ERICH1: variants seen among roughly 807,000 people sequenced by gnomAD.
The protein encoded by ERICH1 is glutamate rich 1, also known as glutamate-rich protein 1.
Under a neutral mutation model 39.6 loss-of-function variants are expected in ERICH1, and 56 were observed. The observed-to-expected ratio is 1.41, with a 90% CI of 1.14 to 1.77. The LOEUF is 1.77. Ranked by LOEUF, ERICH1 falls within the 40% of genes most tolerant of loss-of-function variation. ERICH1 has a pLI of 0.00. For synonymous variants in ERICH1, 313 were observed against 223.6 expected (o/e 1.40, Z -3.57); for missense variants, 826 against 575.4 (o/e 1.44, Z -4.45).
chr8:660,301 CA>C (rs1801228629), downstream of ERICH1, among the ~76,000 whole-genome samples: 1 of 152,272 alleles, frequency 6.6e-6, no homozygotes, highest in Non-Finnish European at 1.5e-5. Flanking sequence ...TGACTTTTAA[CA>C]ACAGGCAGAT....
At chr8:654,223 A>G (rs1449296492) in intron 3 of ERICH1, among the ~76,000 whole-genome samples, 3 of 152,246 alleles carry the variant, frequency 2.0e-5, no homozygotes, top group Non-Finnish European at 4.4e-5. Context: ...AAAATACGCC[A>G]AAGGCTTTAA....
At chr8:618,704 C>T (rs2117015066) in intron 3 of ERICH1, among the ~76,000 whole-genome samples, 1 of 152,316 alleles carries the variant, frequency 6.6e-6, no homozygotes. Context: ...CTTGGAACAG[C>T]ACGCAATGGA....
At chr8:692,412 C>T (rs1030076008) in intron 3 of ERICH1, 66 bp downstream of exon 3, 11 of 1,609,342 alleles carry the variant, frequency 6.8e-6, no homozygotes, top group Non-Finnish European at 9.3e-6. Context: ...ATTACAATAC[C>T]AGAAAATTGG....
At chr8:722,443 C>A (rs1041584850) in intron 1 of ERICH1, among the ~76,000 whole-genome samples, 1 of 152,210 alleles carries the variant, frequency 6.6e-6, no homozygotes, top group Non-Finnish European at 1.5e-5. Context: ...CCTACACTTG[C>A]TATTTCAAAT....
At chr8:696,140 A>C (rs1207293787) in intron 2 of ERICH1, among the ~76,000 whole-genome samples, 1 of 3,632 alleles carries the variant, frequency 2.8e-4, no homozygotes, top group African/African-American at 1.5e-3. Context: ...CTCACCCTCC[A>C]CTCCTCTCCT....
At chr8:711,619 T>G (rs1669618) in intron 2 of ERICH1, among the ~76,000 whole-genome samples, 71,037 of 151,698 alleles carry the variant, frequency 0.47, 17,648 homozygotes, top group East Asian at 0.88. Context: ...TGCCTCAGCC[T>G]ACCGAGTGGC....
intron 3 of ERICH1, chr8:615,427 G>A: frequency 2.0e-6 from 1 of 511,852 alleles, no homozygotes. Flanking sequence ...GTCATAAACA[G>A]AACAATGATC....
intron 3 of ERICH1, among the ~76,000 whole-genome samples, chr8:642,560 G>T (rs1278063603): frequency 1.3e-5 from 2 of 151,804 alleles, no homozygotes; most frequent in East Asian, 3.9e-4. Flanking sequence ...TAGCCAGGAT[G>T]GTCTCGATCT....
chr8:622,151 G>C (rs1240965794), intron 3 of ERICH1, among the ~76,000 whole-genome samples: 1 of 152,210 alleles, frequency 6.6e-6, no homozygotes, highest in Admixed American at 6.5e-5. Context: ...GATCCCAGGA[G>C]TTTGAGATTA....
intron 3 of ERICH1, among the ~76,000 whole-genome samples, chr8:639,948 A>G (rs2117206154): frequency 1.3e-5 from 2 of 152,352 alleles, no homozygotes; most frequent in South Asian, 4.1e-4. Context: ...GTTTCCAGGT[A>G]AGATTCTCAA....
intron 3 of ERICH1, among the ~76,000 whole-genome samples, chr8:679,090 C>G (rs1585236191): frequency 6.6e-6 from 1 of 150,998 alleles, no homozygotes; most frequent in East Asian, 2.0e-4. Flanking sequence ...GCAGTGACCC[C>G]TCACAGCTCC....
chr8:625,846 A>G (rs1797572725), intron 3 of ERICH1: 1 of 152,148 alleles, frequency 6.6e-6, no homozygotes, highest in Admixed American at 6.5e-5. Context: ...GTTACGCAAC[A>G]CAGTTTTCAC....
intron 2 of ERICH1, among the ~76,000 whole-genome samples, chr8:696,912 C>G (rs1810440646): frequency 1.3e-5 from 2 of 151,002 alleles, no homozygotes; most frequent in African/African-American, 4.9e-5. Context: ...CTCCTTCCTC[C>G]CCATCAGCCT....
intron 3 of ERICH1, chr8:640,504 A>C (rs1798858580): frequency 6.6e-6 from 1 of 152,116 alleles, no homozygotes; most frequent in South Asian, 2.1e-4. Context: ...TTCCAGTCCT[A>C]ATTCTGTTCT....
chr8:634,694 C>T (rs542710631), intron 3 of ERICH1, among the ~76,000 whole-genome samples: 1 of 152,300 alleles, frequency 6.6e-6, no homozygotes, highest in African/African-American at 2.4e-5. Context: ...TGGGCACCCA[C>T]TCAGCTGGTC....
chr8:710,997 G>C (rs1001929748), intron 2 of ERICH1, among the ~76,000 whole-genome samples: 5 of 152,328 alleles, frequency 3.3e-5, no homozygotes, highest in African/African-American at 4.8e-5. Flanking sequence ...GCAGTGATGA[G>C]AGTCCTTGTT....
At chr8:727,991 G>A (rs73178884) in intron 1 of ERICH1, among the ~76,000 whole-genome samples, 35,062 of 152,184 alleles carry the variant, frequency 0.23, 4,391 homozygotes, top group Middle Eastern at 0.29. Flanking sequence ...GGGAGCGGCC[G>A]GACAGCCTGG....
chr8:730,833 C>A (rs996061049), intron 1 of ERICH1, among the ~76,000 whole-genome samples: 6 of 152,224 alleles, frequency 3.9e-5, no homozygotes, highest in Non-Finnish European at 8.8e-5. Flanking sequence ...CACTCACCAA[C>A]AGGGGCTCTG....
chr8:622,370 G>T (rs1404831362), intron 3 of ERICH1, among the ~76,000 whole-genome samples: 1 of 152,186 alleles, frequency 6.6e-6, no homozygotes, highest in Non-Finnish European at 1.5e-5. Flanking sequence ...AGGGCCCTGT[G>T]AAAATGAATA....
Sources: gnomAD v4.1 joint callset for allele counts (sites outside exome capture counted in the v4.1 genomes callset) on GRCh38, gnomAD v4.1.1 for gene constraint, MANE v1.5 for transcripts, NCBI Gene and HGNC (gene_info 2026-07-23, HGNC 2026-07-21) for gene names.